IZUMO2: variants seen among roughly 807,000 people sequenced by gnomAD.
IZUMO2 encodes the protein IZUMO family member 2.
IZUMO2 carries 24 observed loss-of-function variants against 31.2 expected under a neutral mutation model. That is an observed-to-expected ratio of 0.77 (90% confidence interval 0.56 to 1.08). The LOEUF is 1.08. IZUMO2 is among the 50% of genes least tolerant of loss of function. The pLI, the probability that IZUMO2 is intolerant of heterozygous loss-of-function variation, is 0.00. For missense variants in IZUMO2, 278 were observed against 274.0 expected, an observed-to-expected ratio of 1.01 and a Z score of -0.10; for synonymous variants, 144 against 117.3, an observed-to-expected ratio of 1.23 and a Z score of -1.47.
intron 6 of IZUMO2, 74 bp from the exon 7 acceptor site, chr19:50,152,725 C>T (rs1443662243): frequency 4.0e-6 from 5 of 1,252,732 alleles, no homozygotes; most frequent in Non-Finnish European, 5.9e-6. Flanking sequence ...CCCATAACTT[C>T]CCTCCCCATA....
In IZUMO2 at chr19:50,163,114, C is replaced by A. The variant is rs778633890; in HGVS notation, c.81G>T (p.Leu27Phe). 4.4e-6 allele frequency: 7 copies of A among 1,606,722 alleles called. No individual in the cohort carries two copies. Among genetic ancestry groups the A allele is most frequent in the Non-Finnish European group, 5.9e-6 (7 of 1,177,018 alleles). ...GCAGGTGACCCAGGGCCTCCAGCAC[C>A]AAGGGGTCGCACTGCAGGCAGCCCC... ...GGWGCLQCDP[L>F]VLEALGHLRS... is the part of the protein sequence containing the mutation. Residue 27 changes from leucine to phenylalanine, a missense_variant, in exon 1 of 7, where the codon TTG (leucine) becomes TTT (phenylalanine). Coordinates refer to ENST00000293405, the MANE Select transcript of IZUMO2 (RefSeq NM_152358.3).
rs373576958 is a variant in IZUMO2 at position 50,163,126 on chromosome 19, C to G, written c.69G>C (p.Gln23His). 3.1e-6 allele frequency: 5 copies of G among 1,600,020 alleles called. No individual in the cohort carries two copies. The highest frequency in any genetic ancestry group is 4.3e-6 in the Non-Finnish European group (5 of 1,174,058). ...LGAPGGWGCLQCDPLVLEALG... is the reference protein window; with the variant it reads ...LGAPGGWGCLHCDPLVLEALG... ...GGGCCTCCAGCACCAAGGGGTCGCA[C>G]TGCAGGCAGCCCCAGCCTCCGGGGG... Residue 23 changes from glutamine to histidine, a missense_variant, in exon 1 of 7, where the codon CAG (glutamine) becomes CAC (histidine). By Grantham distance (24) the Gln-to-His change is conservative. Transcript: ENST00000293405.
rs543303436 is a variant in IZUMO2, at chr19:50,157,912, A to T, written c.496+356T>A. Among the ~76,000 whole-genome samples, 195 of 133,732 alleles carry T rather than the reference A, an allele frequency of 1.5e-3. 1 individual carries two copies. The highest frequency in any genetic ancestry group is 5.8e-3 in the African/African-American group (183 of 31,690). 87.7% of individuals were successfully genotyped at this position (133,732 alleles called of 152,430 possible). A position where few individuals can be genotyped will look rare whatever the true frequency, so the allele number is the denominator to read the frequency against. On this transcript the variant is annotated intron_variant, in intron 5 of 6. Transcript: ENST00000293405. ...TCCAGCCTGGGCGAGAATCCATATA[A>T]AAAAAAAAAAAAAAGAATGTATGTT...
In IZUMO2 at chr19:50,154,724, C is replaced by A. The variant is rs200272430; in HGVS notation, c.499G>T (p.Asp167Tyr). ...TGCAGGGCCACGCGGGGTTGCCGGT[C>A]GACTGGGGCGGGTGGGGAAACAGCC... is the stretch of plus-strand genomic sequence containing the variant. ...KCIHKKYCFV[D>Y]RQPRVALQYQ... is the part of the protein sequence containing the mutation. Residue 167 changes from aspartate (D) to tyrosine (Y), a missense_variant and splice_region_variant, in exon 6 of 7, where the codon GAC becomes TAC. Coordinates refer to ENST00000293405, the MANE Select transcript of IZUMO2 (RefSeq NM_152358.3). 2 of 1,613,522 alleles carry A rather than the reference C, an allele frequency of 1.2e-6. No homozygotes were observed. Among genetic ancestry groups the A allele is most frequent in the Non-Finnish European group, 1.7e-6 (2 of 1,179,848 alleles).
At position 50,163,117 on chromosome 19, in the gene IZUMO2, G is replaced by C. The variant is rs745500967; in HGVS notation, c.78C>G (p.Pro26=). 5 of 1,606,582 alleles carry C rather than the reference G, an allele frequency of 3.1e-6. No individual in the cohort carries two copies. The highest frequency in any genetic ancestry group is 1.7e-5 in the Admixed American group (1 of 58,464). The change falls in exon 1 of 7, where the codon CCC becomes CCG. Residue 26 remains proline (P), a synonymous_variant. Transcript: ENST00000293405. ...GGTGACCCAGGGCCTCCAGCACCAA[G>C]GGGTCGCACTGCAGGCAGCCCCAGC... The part of the protein sequence containing the change: ...PGGWGCLQCD[P]LVLEALGHLR...
Position 50,154,665 on chromosome 19 carries a change from C to G in IZUMO2, c.558G>C (p.Gln186His). 6.2e-7 allele frequency: 1 copy of G among 1,614,076 alleles called. No homozygotes were observed. Among genetic ancestry groups the G allele is most frequent in the East Asian group, 2.2e-5 (1 of 44,856 alleles). The part of the protein sequence containing the change: ...YQMDSKYPRN[Q>H]ALLGILISVS... ...CAGAAATGAGGATGCCCAACAGCGC[C>G]TGGTTCCTCGGGTATTTGCTGTCCA... The change falls in exon 6 of 7, where the codon CAG (glutamine) becomes CAC (histidine). Residue 186 changes from glutamine (Q) to histidine (H), a missense_variant. Coordinates refer to ENST00000293405, the MANE Select transcript of IZUMO2 (RefSeq NM_152358.3).
chr19:50,156,612 A>C (rs2030219524), intron 5 of IZUMO2, among the ~76,000 whole-genome samples: 1 of 151,984 alleles, frequency 6.6e-6, no homozygotes, highest in South Asian at 2.1e-4. Context: ...GAAAAAAAAA[A>C]ACCCAAAAAC....
At chr19:50,155,373 G>C (rs998039858) in intron 5 of IZUMO2, among the ~76,000 whole-genome samples, 1 of 152,194 alleles carries the variant, frequency 6.6e-6, no homozygotes, top group African/African-American at 2.4e-5. Flanking sequence ...ACCCCAGCCT[G>C]GGGGACGGAG....
At chr19:50,153,990 A>T (rs1038382274) in intron 6 of IZUMO2, among the ~76,000 whole-genome samples, 7 of 50,134 alleles carry the variant, frequency 1.4e-4, no homozygotes, top group Admixed American at 3.0e-4. Flanking sequence ...AGGGGAAGAG[A>T]GGGGCCGGAG....
chr19:50,152,788 T>C, intron 6 of IZUMO2, 137 bp from the exon 7 acceptor site: 1 of 744,548 alleles, frequency 1.3e-6, no homozygotes, highest in Non-Finnish European at 2.4e-6. Context: ...GTCATGGGCA[T>C]CTGGGCAGAT....
intron 5 of IZUMO2, 99 bp from the exon 6 acceptor site, chr19:50,154,825 G>A (rs974267277): frequency 2.2e-6 from 3 of 1,391,578 alleles, no homozygotes; most frequent in South Asian, 1.3e-5. Context: ...GGGCAGGGGT[G>A]GGGGTGGGGC....
At chr19:50,153,248 C>A (rs1348342708) in intron 6 of IZUMO2, among the ~76,000 whole-genome samples, 2 of 152,290 alleles carry the variant, frequency 1.3e-5, no homozygotes, top group East Asian at 3.9e-4. Context: ...AGGACACAGG[C>A]ATGGGGTGGA....
At position 50,159,476 on chromosome 19, in the gene IZUMO2, T is replaced by C. The variant is rs2030325277; in HGVS notation, c.394+18A>G. 1 of 1,555,536 alleles carries C rather than the reference T, an allele frequency of 6.4e-7. No homozygotes were observed. Among genetic ancestry groups the C allele is most frequent in the Admixed American group, 1.7e-5 (1 of 59,646 alleles). On this transcript the variant is annotated intron_variant, in intron 3 of 6. Coordinates refer to ENST00000293405, the MANE Select transcript of IZUMO2 (RefSeq NM_152358.3). Reference sequence around the variant, plus strand: ...AAGGGAGAAGAGGAGAGGGGATTGGTGGAGAGATATGCTGCACCTTTTAAT... The same window carrying C: ...AAGGGAGAAGAGGAGAGGGGATTGGCGGAGAGATATGCTGCACCTTTTAAT...
rs2030310034 is a variant in IZUMO2 at position 50,159,148 on chromosome 19, G to A, written c.415+82C>T. The A allele has an allele frequency of 3.6e-6, 5 of 1,394,578 alleles. No individual in the cohort carries two copies. In the Admixed American group the frequency reaches 9.6e-5, roughly 27 times the overall value. The allele number at this position is 1,394,578 out of a possible 1,614,324, so 86.4% of individuals were successfully genotyped here. A position where few individuals can be genotyped will look rare whatever the true frequency, so the allele number is the denominator to read the frequency against. ...GGAACTGCCAAATGGAGTAAGGAGT[G>A]GTAGCCAGGCTTGATTTGGGGAGAC... On this transcript the variant is annotated intron_variant, in intron 4 of 6. Transcript: ENST00000293405.
At chr19:50,157,995 G>A (rs2030270779) in intron 5 of IZUMO2, among the ~76,000 whole-genome samples, 1 of 151,992 alleles carries the variant, frequency 6.6e-6, no homozygotes, top group South Asian at 2.1e-4. Flanking sequence ...AAATTCCCCA[G>A]GTATAGCAAT....
Position 50,152,621 on chromosome 19 carries a change from G to T in IZUMO2, c.654C>A (p.Leu218=), listed in dbSNP as rs1660252038. 1.9e-6 allele frequency: 3 copies of T among 1,613,514 alleles called. No homozygotes were observed. The highest frequency in any genetic ancestry group is 2.5e-6 in the Non-Finnish European group (3 of 1,179,480). Residue 218 remains leucine (L), a synonymous_variant, in exon 7 of 7, where the codon CTC becomes CTA. Coordinates refer to ENST00000293405, the MANE Select transcript of IZUMO2 (RefSeq NM_152358.3). The part of the protein sequence containing the change: ...SACTYRQNRK[L]LLQ ...CCAAACCACCGTCCTACTGCAGCAG[G>T]AGTTTTCGGTTTTGTCTGTATGTAC...
rs769667005 is a variant in IZUMO2 at position 50,154,640 on chromosome 19, C to A, written c.583G>T (p.Val195Leu). 19 of 1,613,900 alleles carry A rather than the reference C, an allele frequency of 1.2e-5. 1 individual carries two copies. In the Middle Eastern group the frequency reaches 6.6e-4, roughly 56 times the overall value. The change falls in exon 6 of 7, where the codon GTG becomes TTG. Residue 195 changes from valine to leucine, a missense_variant. By Grantham distance (32) the Val-to-Leu change is conservative (BLOSUM62 1). Transcript: ENST00000293405. ...NQALLGILISVSLAVFVFVVI... is the reference protein window; with the variant it reads ...NQALLGILISLSLAVFVFVVI... ...ACGAAGACAAAGACAGCCAGAGACA[C>A]AGAAATGAGGATGCCCAACAGCGCC...
In IZUMO2 at chr19:50,162,591, A is replaced by G. The variant is rs529402641; in HGVS notation, c.307+148T>C. The G allele has an allele frequency of 1.2e-5, 8 of 656,896 alleles. No homozygotes were observed. The Admixed American group carries it at 1.6e-4, about 13-fold the overall frequency. The allele number at this position is 656,896 out of a possible 1,614,324, so 40.7% of individuals were successfully genotyped here. A position where few individuals can be genotyped will look rare whatever the true frequency, so the allele number is the denominator to read the frequency against. ...GATGGCGCTACTGCACTCCAGCCGG[A>G]GCGACAGTGAGGCTCTGTCTCTTAA... is the stretch of plus-strand genomic sequence containing the variant. On this transcript the variant is annotated intron_variant, in intron 2 of 6. Coordinates refer to ENST00000293405, the MANE Select transcript of IZUMO2 (RefSeq NM_152358.3).
intron 2 of IZUMO2, 36 bp from the exon 3 acceptor site, chr19:50,159,616 C>T: frequency 7.2e-7 from 1 of 1,398,542 alleles, no homozygotes; most frequent in Non-Finnish European, 1.0e-6. Context: ...GGGTGGGAGG[C>T]ACCCAGAAAG....
Sources: gnomAD v4.1 joint callset for allele counts (sites outside exome capture counted in the v4.1 genomes callset) on GRCh38, gnomAD v4.1.1 for gene constraint, MANE v1.5 for transcripts, NCBI Gene and HGNC (gene_info 2026-07-23, HGNC 2026-07-21) for gene names.